Variants in SDAD1 observed in about 807,000 individuals in gnomAD.
SDAD1 encodes SDA1 domain containing 1.
In SDAD1, 79 loss-of-function variants were observed where a neutral mutation model predicts 100.3. That is an observed-to-expected ratio of 0.79 (90% confidence interval 0.66 to 0.95). The LOEUF is 0.95. SDAD1 is among the 40% of genes least tolerant of loss of function. SDAD1 has a pLI of 0.00. For missense variants in SDAD1, 790 were observed against 810.9 expected (o/e 0.97, Z 0.31); for synonymous variants, 267 against 271.4 (o/e 0.98, Z 0.16).
chr4:75,982,790 T>C (rs1165798419), intron 1 of SDAD1, among the ~76,000 whole-genome samples: 1 of 139,344 alleles, frequency 7.2e-6, no homozygotes, highest in Non-Finnish European at 1.5e-5. Flanking sequence ...ACCCCCCCAC[T>C]GCCACCCCTT....
intron 10 of SDAD1, among the ~76,000 whole-genome samples, chr4:75,970,004 T>A (rs11097193): frequency 0.34 from 49,400 of 143,612 alleles, 8,859 homozygotes; most frequent in South Asian, 0.44. Context: ...TTTTTTTTTT[T>A]AAAAAAGGAC....
intron 14 of SDAD1, among the ~76,000 whole-genome samples, chr4:75,962,544 A>C (rs1446872849): frequency 1.3e-5 from 2 of 152,178 alleles, no homozygotes; most frequent in African/African-American, 4.8e-5. Flanking sequence ...ATTTCTCCAC[A>C]TCCTCTCCAG....
intron 12 of SDAD1, among the ~76,000 whole-genome samples, chr4:75,966,921 C>T (rs536353903): frequency 4.6e-5 from 7 of 152,224 alleles, no homozygotes; most frequent in African/African-American, 1.7e-4. Context: ...TGCCCGACAC[C>T]ACATCCGGCT....
In SDAD1 at chr4:75,970,385, G is replaced by C; in HGVS notation, c.814-7C>G. ...TTTTCTTCTTTTTTTGTTTCTGAAA[G>C]GGAGAGGAAAAACATTTTCAGTCTG... On this transcript the variant is annotated splice_polypyrimidine_tract_variant and splice_region_variant and intron_variant, in intron 9 of 21. Coordinates refer to ENST00000356260, the MANE Select transcript of SDAD1 (RefSeq NM_018115.4). 1 of 1,609,004 alleles carries C rather than the reference G, an allele frequency of 6.2e-7. No homozygotes were observed. Among genetic ancestry groups the C allele is most frequent in the Non-Finnish European group, 8.5e-7 (1 of 1,175,632 alleles).
intron 21 of SDAD1, among the ~76,000 whole-genome samples, chr4:75,955,438 G>A (rs577609094): frequency 1.3e-5 from 2 of 152,162 alleles, no homozygotes; most frequent in Non-Finnish European, 2.9e-5. Context: ...CCGTTGCATT[G>A]CGGGCTGCTG....
At chr4:75,977,625 A>C (rs1023125099) in intron 4 of SDAD1, 21 bp downstream of exon 4, 1 of 1,421,454 alleles carries the variant, frequency 7.0e-7, no homozygotes, top group African/African-American at 1.4e-5. Context: ...GATGCAGGGA[A>C]ATATTTGTTT....
Position 75,961,096 on chromosome 4 carries a change from T to A in SDAD1, c.1288A>T (p.Met430Leu). ...AGGTGAATCAAAGTTCTAGCAGACA[T>A]CATTACATCTGTAAAATAATACTTT... ...YKTHKDKNVM[M>L]SARTLIHLFR... Residue 430 changes from methionine to leucine, a missense_variant, in exon 16 of 22, where the codon ATG (methionine) becomes TTG (leucine). Physicochemically the swap from Met to Leu is conservative, Grantham distance 15 (BLOSUM62 2). Coordinates refer to ENST00000356260, the MANE Select transcript of SDAD1 (RefSeq NM_018115.4). 1 of 1,613,950 alleles carries A rather than the reference T, an allele frequency of 6.2e-7. No individual in the cohort carries two copies. Among genetic ancestry groups the A allele is most frequent in the East Asian group, 2.2e-5 (1 of 44,870 alleles).
At chr4:75,978,420 G>C (rs1243754620) in intron 3 of SDAD1, among the ~76,000 whole-genome samples, 1 of 150,142 alleles carries the variant, frequency 6.7e-6, no homozygotes, top group East Asian at 2.0e-4. Flanking sequence ...CTGGTTTCAA[G>C]CTCCTGGAAA....
chr4:75,985,111 C>A (rs1730812358), intron 1 of SDAD1, among the ~76,000 whole-genome samples: 1 of 152,038 alleles, frequency 6.6e-6, no homozygotes, highest in African/African-American at 2.4e-5. Flanking sequence ...CTTCCCCCAC[C>A]CCACCCATGG....
intron 13 of SDAD1, among the ~76,000 whole-genome samples, chr4:75,964,600 TTA>T (rs1491206608): frequency 1.3e-5 from 2 of 151,876 alleles, no homozygotes; most frequent in African/African-American, 4.8e-5. Context: ...CTTCTATCTA[TTA>T]AAAGAAGAAA....
At chr4:75,984,811 A>T (rs191199687) in intron 1 of SDAD1, among the ~76,000 whole-genome samples, 26 of 147,114 alleles carry the variant, frequency 1.8e-4, no homozygotes, top group Non-Finnish European at 3.6e-4. Flanking sequence ...ACACACACAC[A>T]CTCTTTCTCA....
chr4:75,971,569 A>G (rs1729869694), intron 8 of SDAD1, 111 bp from the exon 9 acceptor site: 1 of 778,918 alleles, frequency 1.3e-6, no homozygotes, highest in African/African-American at 1.7e-5. Flanking sequence ...CACAGCTATT[A>G]AAAATGAATA....
At chr4:75,970,454 CT>C in intron 9 of SDAD1, 76 bp from the exon 10 acceptor site, 1 of 1,104,170 alleles carries the variant, frequency 9.1e-7, no homozygotes, top group Non-Finnish European at 1.4e-6. Context: ...GCTAATAAGG[CT>C]GTTATAAGTC....
intron 8 of SDAD1, 124 bp from the exon 9 acceptor site, chr4:75,971,582 A>T: frequency 1.4e-6 from 1 of 718,954 alleles, no homozygotes; most frequent in Non-Finnish European, 2.3e-6. Context: ...AATGAATACT[A>T]CTTTTAGACT....
Position 75,964,168 on chromosome 4 carries a change from G to T in SDAD1, c.1148C>A (p.Thr383Asn). 1 of 1,608,442 alleles carries T rather than the reference G, an allele frequency of 6.2e-7. No homozygotes were observed. The highest frequency in any genetic ancestry group is 8.5e-7 in the Non-Finnish European group (1 of 1,178,410). The change falls in exon 14 of 22, where the codon ACC becomes AAC. Residue 383 changes from threonine (T) to asparagine (N), a missense_variant. By Grantham distance (65) the Thr-to-Asn change is moderately conservative. Transcript: ENST00000356260. Reference protein sequence around the residue: ...LLMTVANNFVTDKNSGEVMTV... With the variant: ...LLMTVANNFVNDKNSGEVMTV... The stretch of plus-strand genomic sequence containing the variant: ...CATGACTTCTCCAGAGTTCTTGTCG[G>T]TAACAAAATTGTTTGCCACAGTCAT...
Position 75,957,921 on chromosome 4 carries a change from G to A in SDAD1, c.1504C>T (p.Leu502Phe), listed in dbSNP as rs1728999968. Residue 502 changes from leucine (L) to phenylalanine (F), a missense_variant, in exon 18 of 22, where the codon CTC becomes TTC. Coordinates refer to ENST00000356260, the MANE Select transcript of SDAD1 (RefSeq NM_018115.4). ...NDEDGWESTS[L>F]SEEEDADGEW... ...CCATCAGCATCCTCCTCCTCACTGAGACTGGTACTTTCCCATCCATCTGCG... is the reference window on the plus strand; with the variant it reads ...CCATCAGCATCCTCCTCCTCACTGAAACTGGTACTTTCCCATCCATCTGCG... 6.2e-7 allele frequency: 1 copy of A among 1,612,808 alleles called. No homozygotes were observed. Among genetic ancestry groups the A allele is most frequent in the Admixed American group, 1.7e-5 (1 of 60,014 alleles).
In SDAD1 at chr4:75,950,741, G is replaced by T; in HGVS notation, c.*9C>A. The T allele has an allele frequency of 6.3e-7, 1 of 1,576,380 alleles. No homozygotes were observed. Among genetic ancestry groups the T allele is most frequent in the South Asian group, 1.1e-5 (1 of 88,012 alleles). Reference sequence around the variant, plus strand: ...GCATTCTTCTAGGAATGGAAAACTTGCCAGGAAGTTACTTCATTCTTTTTC... The same window carrying T: ...GCATTCTTCTAGGAATGGAAAACTTTCCAGGAAGTTACTTCATTCTTTTTC... On this transcript the variant is annotated 3_prime_UTR_variant, in exon 22 of 22. Transcript: ENST00000356260.
At chr4:75,985,063 C>T (rs1251231250) in intron 1 of SDAD1, among the ~76,000 whole-genome samples, 2 of 152,146 alleles carry the variant, frequency 1.3e-5, no homozygotes, top group African/African-American at 4.8e-5. Flanking sequence ...GAGGGCTACA[C>T]AACTCTTTAT....
At chr4:75,970,225 T>C in intron 10 of SDAD1, 84 bp downstream of exon 10, 1 of 1,139,114 alleles carries the variant, frequency 8.8e-7, no homozygotes, top group Non-Finnish European at 1.3e-6. Context: ...CCAGGGATCT[T>C]ATATTCCCTG....
Sources: allele counts gnomAD v4.1 joint callset (sites outside exome capture counted in the v4.1 genomes callset), GRCh38; gene constraint gnomAD v4.1.1; transcripts MANE v1.5; gene names NCBI Gene and HGNC (gene_info 2026-07-23, HGNC 2026-07-21).